Variants in UNC13C observed in about 807,000 individuals in gnomAD.
UNC13C encodes the protein unc-13 homolog C, also known as protein unc-13 homolog C.
A neutral mutation model predicts 245.4 loss-of-function variants in UNC13C; 174 were observed. The observed-to-expected ratio is 0.71, with a 90% CI of 0.63 to 0.80. The LOEUF (loss-of-function observed/expected upper bound fraction) is 0.80, where lower values mean the gene tolerates loss of function less well. Among genes scored for constraint, UNC13C ranks in the 30% least tolerant of loss-of-function variants. UNC13C has a pLI of 0.00. For synonymous variants in UNC13C, 992 were observed against 895.1 expected (o/e 1.11, Z -1.93); for missense variants, 2,829 against 2,602.9 (o/e 1.09, Z -1.89).
chr15:53,874,964 T>G, the UNC13C span, among the ~76,000 whole-genome samples: 9 of 152,146 alleles, frequency 5.9e-5, no homozygotes, highest in East Asian at 1.4e-3. Flanking sequence ...TGTGGTGGCA[T>G]GCACCTGAAT....
chr15:54,622,587 C>G (rs1273992421), intron 31 of UNC13C, among the ~76,000 whole-genome samples, 168 bp downstream of exon 31: 1 of 152,144 alleles, frequency 6.6e-6, no homozygotes, highest in Non-Finnish European at 1.5e-5. Flanking sequence ...AGAAAAATAT[C>G]AATGGCACTA....
intron 4 of UNC13C, among the ~76,000 whole-genome samples, chr15:54,149,671 G>C (rs2032433680): frequency 6.6e-6 from 1 of 152,072 alleles, no homozygotes; most frequent in Non-Finnish European, 1.5e-5. Flanking sequence ...TAAAGGACGG[G>C]CCTTTCTACC....
chr15:53,962,262 A>G, the UNC13C span, among the ~76,000 whole-genome samples: 1 of 152,172 alleles, frequency 6.6e-6, no homozygotes, highest in African/African-American at 2.4e-5. Flanking sequence ...TAATAACTTT[A>G]ATGAAAATAT....
the UNC13C span, among the ~76,000 whole-genome samples, chr15:53,946,823 C>T: frequency 2.0e-5 from 3 of 151,920 alleles, no homozygotes; most frequent in Admixed American, 1.3e-4. Context: ...GTTGAACCAA[C>T]CTTGTATTCC....
the UNC13C span, among the ~76,000 whole-genome samples, chr15:53,863,190 A>G: frequency 1.3e-5 from 2 of 152,198 alleles, no homozygotes; most frequent in South Asian, 2.1e-4. Context: ...ACAGGTCCCA[A>G]GCAAGACCAA....
intron 13 of UNC13C, chr15:54,320,846 G>A: frequency 3.1e-6 from 1 of 319,812 alleles, no homozygotes; most frequent in Non-Finnish European, 6.1e-6. Context: ...TGCCTCCAAA[G>A]TTTCTACCCT....
chr15:53,901,923 A>C, the UNC13C span, among the ~76,000 whole-genome samples: 91 of 152,238 alleles, frequency 6.0e-4, no homozygotes, highest in African/African-American at 2.1e-3. Flanking sequence ...ATTTATGGTG[A>C]AAATTGAGGA....
intron 2 of UNC13C, among the ~76,000 whole-genome samples, chr15:54,081,361 T>C (rs1898929569): frequency 6.6e-6 from 1 of 152,074 alleles, no homozygotes; most frequent in Admixed American, 6.5e-5. Context: ...ATGCTTTGAT[T>C]ATCTTTCTAG....
intron 19 of UNC13C, among the ~76,000 whole-genome samples, chr15:54,449,095 T>C (rs1333213750): frequency 1.3e-5 from 2 of 152,216 alleles, no homozygotes; most frequent in Non-Finnish European, 2.9e-5. Context: ...GAATGTTGAA[T>C]ATTGGCCCCC....
the UNC13C span, among the ~76,000 whole-genome samples, chr15:53,916,851 T>C: frequency 6.6e-6 from 1 of 152,206 alleles, no homozygotes; most frequent in East Asian, 1.9e-4. Context: ...CACTACAGTT[T>C]CTGATGCACT....
the UNC13C span, among the ~76,000 whole-genome samples, chr15:53,918,635 C>T: frequency 6.6e-6 from 1 of 152,194 alleles, no homozygotes; most frequent in South Asian, 2.1e-4. Context: ...TACACATTGT[C>T]TAAGGATAGT....
intron 13 of UNC13C, among the ~76,000 whole-genome samples, chr15:54,301,973 T>A (rs1184204801): frequency 6.6e-6 from 1 of 152,172 alleles, no homozygotes; most frequent in Non-Finnish European, 1.5e-5. Flanking sequence ...TTTTTAATGA[T>A]CACCATTCTA....
At chr15:54,610,718 A>G (rs1002094470) in intron 30 of UNC13C, among the ~76,000 whole-genome samples, 2 of 152,214 alleles carry the variant, frequency 1.3e-5, no homozygotes, top group Non-Finnish European at 2.9e-5. Flanking sequence ...TATTTTACAG[A>G]TGTGAGATTT....
At chr15:53,967,044 C>T in the UNC13C span, among the ~76,000 whole-genome samples, 1 of 152,022 alleles carries the variant, frequency 6.6e-6, no homozygotes, top group Non-Finnish European at 1.5e-5. Context: ...CTAATTCTTT[C>T]CTGATCTGTG....
intron 28 of UNC13C, among the ~76,000 whole-genome samples, chr15:54,553,074 T>C (rs1380277937): frequency 2.5e-4 from 25 of 100,114 alleles, no homozygotes; most frequent in Non-Finnish European, 4.0e-4. Flanking sequence ...ATAATATATA[T>C]TGTATTCTAT....
intron 19 of UNC13C, among the ~76,000 whole-genome samples, chr15:54,488,439 A>G (rs1223291545): frequency 6.6e-6 from 1 of 152,220 alleles, no homozygotes; most frequent in Admixed American, 6.5e-5. Flanking sequence ...GTTACAAACT[A>G]TAGGATAAAG....
the UNC13C span, among the ~76,000 whole-genome samples, chr15:53,852,891 G>C: frequency 1.3e-5 from 2 of 152,006 alleles, no homozygotes; most frequent in Non-Finnish European, 2.9e-5. Context: ...GTGAAAGAAA[G>C]AAAAATGTGT....
At chr15:54,393,217 T>A (rs753401943) in intron 18 of UNC13C, 36 bp downstream of exon 18, 3 of 1,460,944 alleles carry the variant, frequency 2.1e-6, no homozygotes, top group South Asian at 3.1e-5. Context: ...TGGATTTTAT[T>A]CCACTAAAGT....
intron 30 of UNC13C, among the ~76,000 whole-genome samples, chr15:54,605,395 C>A (rs573149556): frequency 6.6e-6 from 1 of 152,130 alleles, no homozygotes; most frequent in African/African-American, 2.4e-5. Flanking sequence ...GCACAGATGC[C>A]ACTGGATTTT....
Sources: allele counts gnomAD v4.1 joint callset (sites outside exome capture counted in the v4.1 genomes callset), GRCh38; gene constraint gnomAD v4.1.1; transcripts MANE v1.5; gene names NCBI Gene and HGNC (gene_info 2026-07-23, HGNC 2026-07-21).